The following PRIM2 variants were observed in gnomAD, a reference collection of about 807,000 sequenced individuals.
PRIM2 encodes DNA primase subunit 2.
A neutral mutation model predicts 67.3 loss-of-function variants in PRIM2; 39 were observed. The observed-to-expected ratio is 0.58, with a 90% confidence interval of 0.45 to 0.76. PRIM2 has a LOEUF of 0.76. PRIM2 is among the 30% of genes least tolerant of loss of function. The probability of loss-of-function intolerance (pLI) is 0.00; values close to 1 mark genes in which losing one functional copy is unlikely to be tolerated. For synonymous variants in PRIM2, 143 were observed against 198.7 expected (o/e 0.72, Z 2.36); for missense variants, 398 against 598.7 (o/e 0.66, Z 3.50).
the PRIM2 span, among the ~76,000 whole-genome samples, chr6:57,254,615 G>A: frequency 1.3e-5 from 2 of 152,186 alleles, no homozygotes; most frequent in African/African-American, 4.8e-5. Flanking sequence ...GGGCCTTGAA[G>A]TGTGACAAGA....
At chr6:57,578,453 T>G (rs1456491815) in intron 10 of PRIM2, among the ~76,000 whole-genome samples, 1 of 152,212 alleles carries the variant, frequency 6.6e-6, no homozygotes, top group Non-Finnish European at 1.5e-5. Context: ...CATTTATTAT[T>G]GGAATGTTTC....
Position 57,409,219 on chromosome 6 carries a change from A to G in PRIM2, c.693+27051A>G, listed in dbSNP as rs565618412. Among the ~76,000 whole-genome samples the G allele has an allele frequency of 2.6e-5, 4 of 151,504 alleles. 1 individual carries two copies. In the East Asian group the frequency reaches 7.8e-4, roughly 29 times the overall value. On this transcript the variant is annotated intron_variant, in intron 7 of 13. Coordinates refer to ENST00000615550, the MANE Select transcript of PRIM2 (RefSeq NM_000947.5). The stretch of plus-strand genomic sequence containing the variant: ...GAGATGGAGTCTCGCTCTGTCGCCC[A>G]GGCTGGAGTACACTAGCACGATCTT...
chr6:57,303,920 C>A, the PRIM2 span, among the ~76,000 whole-genome samples: 1 of 152,312 alleles, frequency 6.6e-6, no homozygotes, highest in East Asian at 1.9e-4. Context: ...CAAGCCTGAG[C>A]CTTTGCACCC....
At chr6:57,474,067 T>A (rs1373933251) in intron 7 of PRIM2, among the ~76,000 whole-genome samples, 14 of 152,076 alleles carry the variant, frequency 9.2e-5, no homozygotes, top group African/African-American at 3.4e-4. Flanking sequence ...ACCCATTTTT[T>A]AAGGAAAGGA....
chr6:57,645,921 T>A lies in PRIM2; in HGVS notation c.1300-7T>A. On this transcript the variant is annotated splice_polypyrimidine_tract_variant and splice_region_variant and intron_variant, in intron 13 of 13. Transcript: ENST00000615550. The stretch of plus-strand genomic sequence containing the variant: ...ATTAATGCAATATAAATTTCCTTCC[T>A]TTACAGGTGGATGATTGTGGCTTTT... The A allele has an allele frequency of 6.9e-7, 1 of 1,459,602 alleles. No homozygotes were observed. Among genetic ancestry groups the A allele is most frequent in the South Asian group, 1.2e-5 (1 of 86,416 alleles). 90.4% of individuals were successfully genotyped at this position (1,459,602 alleles called of 1,614,324 possible).
At chr6:57,464,807 A>G (rs1166820112) in intron 7 of PRIM2, among the ~76,000 whole-genome samples, 1 of 152,174 alleles carries the variant, frequency 6.6e-6, no homozygotes, top group African/African-American at 2.4e-5. Context: ...AATCACCATT[A>G]CCACCACTTT....
At chr6:57,560,679 T>A (rs1315875834) in intron 10 of PRIM2, among the ~76,000 whole-genome samples, 2 of 150,276 alleles carry the variant, frequency 1.3e-5, no homozygotes, top group African/African-American at 4.9e-5. Context: ...AAAACATTAA[T>A]CTTATCATAC....
chr6:57,260,082 C>G, the PRIM2 span, among the ~76,000 whole-genome samples: 1 of 152,164 alleles, frequency 6.6e-6, no homozygotes, highest in African/African-American at 2.4e-5. Context: ...AATAATTACT[C>G]TATGAAATCT....
intron 5 of PRIM2, among the ~76,000 whole-genome samples, chr6:57,363,173 C>T (rs1184651429): frequency 2.0e-5 from 3 of 152,054 alleles, no homozygotes; most frequent in Non-Finnish European, 2.9e-5. Context: ...TTGACCATCT[C>T]AGTAGTTAGT....
intron 8 of PRIM2, among the ~76,000 whole-genome samples, chr6:57,530,971 G>A (rs1774876606): frequency 6.6e-6 from 1 of 152,116 alleles, no homozygotes; most frequent in African/African-American, 2.4e-5. Context: ...CCAAAGTGCT[G>A]GGATGACAGG....
At chr6:57,526,199 A>T (rs1581970176) in intron 8 of PRIM2, among the ~76,000 whole-genome samples, 1 of 152,182 alleles carries the variant, frequency 6.6e-6, no homozygotes, top group African/African-American at 2.4e-5. Context: ...GTGTCTTCAG[A>T]TAGATTTCTA....
chr6:57,483,830 A>G (rs1773683698), intron 7 of PRIM2, among the ~76,000 whole-genome samples: 1 of 152,240 alleles, frequency 6.6e-6, no homozygotes, highest in African/African-American at 2.4e-5. Flanking sequence ...CCTTTGTTGT[A>G]AAGTGAAATA....
At chr6:57,495,596 T>C (rs1554346306) in intron 7 of PRIM2, among the ~76,000 whole-genome samples, 76,339 of 152,026 alleles carry the variant, frequency 0.5, 20,008 homozygotes, top group East Asian at 0.68. Flanking sequence ...ATGGAAATCT[T>C]TATGTATTCT....
At chr6:57,433,877 T>C (rs905037555) in intron 7 of PRIM2, among the ~76,000 whole-genome samples, 18 of 152,286 alleles carry the variant, frequency 1.2e-4, no homozygotes, top group Middle Eastern at 6.8e-3. Flanking sequence ...TGAATCCTGC[T>C]TTCTCCACTT....
chr6:57,440,191 CTTTTA>C (rs1772158504), intron 7 of PRIM2, among the ~76,000 whole-genome samples: 1 of 151,070 alleles, frequency 6.6e-6, no homozygotes, highest in Non-Finnish European at 1.5e-5. Context: ...TTAGGAGGAC[CTTTTA>C]TTTTTTTCTT....
chr6:57,591,984 C>T (rs1776289233), intron 10 of PRIM2, among the ~76,000 whole-genome samples: 1 of 152,272 alleles, frequency 6.6e-6, no homozygotes, highest in South Asian at 2.1e-4. Context: ...GAATACTACA[C>T]AGCCATAAAA....
At chr6:57,552,893 C>A (rs1410390475) in intron 10 of PRIM2, among the ~76,000 whole-genome samples, 1 of 152,004 alleles carries the variant, frequency 6.6e-6, no homozygotes, top group Admixed American at 6.6e-5. Flanking sequence ...TTTCCGTAGT[C>A]TTTCAAAACA....
the PRIM2 span, among the ~76,000 whole-genome samples, chr6:57,300,387 T>C: frequency 2.0e-5 from 3 of 152,260 alleles, no homozygotes; most frequent in Admixed American, 2.0e-4. Flanking sequence ...CAGCTCTGAG[T>C]GGGCAAGGAT....
rs1054572991 is a variant in PRIM2, at chr6:57,442,987, G to A, written c.693+60819G>A. Among the ~76,000 whole-genome samples the A allele has an allele frequency of 2.6e-4, 39 of 151,992 alleles. 1 individual carries two copies. Among genetic ancestry groups the A allele is most frequent in the Non-Finnish European group, 4.6e-4 (31 of 67,986 alleles). The stretch of plus-strand genomic sequence containing the variant: ...CCTTCTATTCTCTGCTTCTGAGTTC[G>A]ATTATTTTAGATTCCCCATGTGAGA... On this transcript the variant is annotated intron_variant, in intron 7 of 13. Coordinates refer to ENST00000615550, the MANE Select transcript of PRIM2 (RefSeq NM_000947.5).
Sources: gnomAD v4.1 joint callset for allele counts (sites outside exome capture counted in the v4.1 genomes callset) on GRCh38, gnomAD v4.1.1 for gene constraint, MANE v1.5 for transcripts, NCBI Gene and HGNC (gene_info 2026-07-23, HGNC 2026-07-21) for gene names.